The following DMXL1 variants were observed in gnomAD, a reference collection of about 807,000 sequenced individuals.
DMXL1 encodes Dmx like 1, also known as dmX-like protein 1.
A neutral mutation model predicts 319.2 loss-of-function variants in DMXL1; 99 were observed. That is an observed-to-expected ratio of 0.31 (90% CI 0.26 to 0.37). DMXL1 has a LOEUF of 0.37. Ranked by LOEUF, DMXL1 falls within the 10% of genes least tolerant of loss-of-function variation. The probability of loss-of-function intolerance (pLI) is 1.00; values close to 1 mark genes in which losing one functional copy is unlikely to be tolerated. For missense variants in DMXL1, 3,745 were observed against 3,595.6 expected, an observed-to-expected ratio of 1.04 and a Z score of -1.06; for synonymous variants, 1,385 against 1,235.2, an observed-to-expected ratio of 1.12 and a Z score of -2.54.
At chr5:119,119,534 A>AT (rs1421977217) in intron 8 of DMXL1, among the ~76,000 whole-genome samples, 2,093 of 142,498 alleles carry the variant, frequency 0.015, 35 homozygotes, top group African/African-American at 0.034. Flanking sequence ...GATTCTTCCA[A>AT]TTTTTTTTTT....
Position 119,150,221 on chromosome 5 carries a change from A to G in DMXL1, c.4394A>G (p.Asn1465Ser), listed in dbSNP as rs748272079. ...DTHMLETDEENTKPRVIDLSQ... is the reference protein window; with the variant it reads ...DTHMLETDEESTKPRVIDLSQ... ...CATATGTTAGAGACAGATGAAGAAAATACAAAGCCTAGAGTTATTGACCTT... is the reference window on the plus strand; with the variant it reads ...CATATGTTAGAGACAGATGAAGAAAGTACAAAGCCTAGAGTTATTGACCTT... The change falls in exon 18 of 44, where the codon AAT becomes AGT. Residue 1465 changes from asparagine (N) to serine (S), a missense_variant. Asn to Ser is a conservative substitution (Grantham distance 46, BLOSUM62 1). Transcript: ENST00000539542. 6.2e-7 allele frequency: 1 copy of G among 1,613,790 alleles called. No homozygotes were observed. The highest frequency in any genetic ancestry group is 1.1e-5 in the South Asian group (1 of 91,070).
At chr5:119,153,601 A>G (rs1042572534) in intron 19 of DMXL1, among the ~76,000 whole-genome samples, 6 of 152,320 alleles carry the variant, frequency 3.9e-5, no homozygotes, top group Middle Eastern at 6.8e-3. Context: ...GCCTTGGGCA[A>G]ATACCGTTTA....
Position 119,143,857 on chromosome 5 carries a change from T to C in DMXL1, c.2393T>C (p.Val798Ala), listed in dbSNP as rs1767950836. ...NPEISKYVGE[V>A]FNIVSQQSTA... ...AAAAAACAGAAATATGTTGGTGAAG[T>C]CTTTAACATCGTCAGTCAACAATCA... Residue 798 changes from valine to alanine, a missense_variant, in exon 14 of 44, where the codon GTC (valine) becomes GCC (alanine). Physicochemically the swap from Val to Ala is moderately conservative, Grantham distance 64 (BLOSUM62 0). Transcript: ENST00000539542. 6.3e-7 allele frequency: 1 copy of C among 1,582,504 alleles called. No individual in the cohort carries two copies. The highest frequency in any genetic ancestry group is 8.6e-7 in the Non-Finnish European group (1 of 1,165,342).
At chr5:119,090,798 C>T (rs950323462) in intron 1 of DMXL1, among the ~76,000 whole-genome samples, 3 of 152,004 alleles carry the variant, frequency 2.0e-5, no homozygotes, top group African/African-American at 7.2e-5. Flanking sequence ...ATCTCTCAAC[C>T]TTGTGATCAG....
intron 1 of DMXL1, among the ~76,000 whole-genome samples, chr5:119,084,574 C>T (rs952646322): frequency 4.6e-5 from 7 of 152,006 alleles, no homozygotes; most frequent in African/African-American, 7.2e-5. Context: ...ATGGAAAAAA[C>T]GATCCTTGGC....
At chr5:119,080,898 C>A (rs1277686797) in intron 1 of DMXL1, among the ~76,000 whole-genome samples, 2 of 152,130 alleles carry the variant, frequency 1.3e-5, no homozygotes, top group East Asian at 3.8e-4. Context: ...ACAAGCTCTT[C>A]AGGAAACTTT....
At position 119,170,583 on chromosome 5, in the gene DMXL1, G is replaced by A; in HGVS notation, c.5792G>A (p.Gly1931Asp). Reference sequence around the variant, plus strand: ...GATTGGTCACAGTCACTGATAAATGGTTTTGGATCTTCTTCAGAGGGTTCC... The same window carrying A: ...GATTGGTCACAGTCACTGATAAATGATTTTGGATCTTCTTCAGAGGGTTCC... ...AVDWSQSLIN[G>D]FGSSSEGSSE... The change falls in exon 24 of 44, where the codon GGT becomes GAT. Residue 1931 changes from glycine (G) to aspartate (D), a missense_variant. By Grantham distance (94) the Gly-to-Asp change is moderately conservative. This residue lies in a region of DMXL1 where 1,382 missense variants were observed against 1,269.5 expected (regional missense o/e 1.09). Transcript: ENST00000539542. The A allele has an allele frequency of 6.2e-7, 1 of 1,613,788 alleles. No homozygotes were observed. Among genetic ancestry groups the A allele is most frequent in the Non-Finnish European group, 8.5e-7 (1 of 1,179,904 alleles).
chr5:119,075,959 C>A (rs1750750237), intron 1 of DMXL1, among the ~76,000 whole-genome samples: 1 of 152,102 alleles, frequency 6.6e-6, no homozygotes, highest in Non-Finnish European at 1.5e-5. Flanking sequence ...TTTATAGATT[C>A]TACTTTTATG....
chr5:119,227,928 A>T (rs796475242), intron 38 of DMXL1, among the ~76,000 whole-genome samples: 41 of 152,312 alleles, frequency 2.7e-4, no homozygotes, highest in African/African-American at 8.2e-4. Flanking sequence ...TAATTGTTTT[A>T]TCTTTGTTCA....
Position 119,220,489 on chromosome 5 carries a change from A to G in DMXL1, c.8031A>G (p.Ile2677Met). 1 of 1,613,846 alleles carries G rather than the reference A, an allele frequency of 6.2e-7. No homozygotes were observed. Among genetic ancestry groups the G allele is most frequent in the Non-Finnish European group, 8.5e-7 (1 of 1,179,878 alleles). Reference protein sequence around the residue: ...FAVNKANRNCIAIASSHDVQE... With the variant: ...FAVNKANRNCMAIASSHDVQE... Reference sequence around the variant, plus strand: ...TTTTTCAGGCAAATAGAAACTGCATAGCAATCGCTTCCAGTCATGATGTTC... The same window carrying G: ...TTTTTCAGGCAAATAGAAACTGCATGGCAATCGCTTCCAGTCATGATGTTC... The change falls in exon 36 of 44, where the codon ATA (isoleucine) becomes ATG (methionine). Residue 2677 changes from isoleucine (I) to methionine (M), a missense_variant. Physicochemically the swap from Ile to Met is conservative, Grantham distance 10 (BLOSUM62 1). This residue lies in a region of DMXL1 where 1,382 missense variants were observed against 1,269.5 expected (regional missense o/e 1.09). Coordinates refer to ENST00000539542, the MANE Select transcript of DMXL1 (RefSeq NM_001290321.3).
intron 3 of DMXL1, chr5:119,104,143 G>GTGGT (rs1309337592): frequency 1.3e-5 from 2 of 152,248 alleles, no homozygotes; most frequent in African/African-American, 4.8e-5. Flanking sequence ...TTGTGAGGTG[G>GTGGT]TGGTCTTCAT....
chr5:119,219,276 G>A (rs1202493588), intron 35 of DMXL1, among the ~76,000 whole-genome samples: 1 of 152,094 alleles, frequency 6.6e-6, no homozygotes, highest in African/African-American at 2.4e-5. Context: ...AAGCATACTT[G>A]CCCTTTGCTC....
Position 119,149,662 on chromosome 5 carries a change from A to G in DMXL1, c.3835A>G (p.Lys1279Glu), listed in dbSNP as rs780809663. The change falls in exon 18 of 44, where the codon AAG (lysine) becomes GAG (glutamate). Residue 1279 changes from lysine to glutamate, a missense_variant. Coordinates refer to ENST00000539542, the MANE Select transcript of DMXL1 (RefSeq NM_001290321.3). ...CTCCAGTTCTGGGTTACATCCTCCA[A>G]AGAAAACTCTGACTCGATCCATGAC... The part of the protein sequence containing the change: ...SNSSSGLHPP[K>E]KTLTRSMTSL... The G allele has an allele frequency of 1.9e-6, 3 of 1,613,982 alleles. No individual in the cohort carries two copies. The highest frequency in any genetic ancestry group is 1.3e-5 in the African/African-American group (1 of 75,038).
chr5:119,240,399 AT>A lies in DMXL1; in HGVS notation c.8652-19del. 1.3e-6 allele frequency: 2 copies of A among 1,507,304 alleles called. No individual in the cohort carries two copies. 93.4% of individuals were successfully genotyped at this position (1,507,304 alleles called of 1,614,324 possible). A position where few individuals can be genotyped will look rare whatever the true frequency, so the allele number is the denominator to read the frequency against. The stretch of plus-strand genomic sequence containing the variant: ...TTAGCTTTTGTGTCACTCAGAAGTA[AT>A]CTTTTTTTTTTTTTCCAGAAACGTA... On this transcript the variant is annotated intron_variant, in intron 41 of 43. Transcript: ENST00000539542.
intron 25 of DMXL1, among the ~76,000 whole-genome samples, chr5:119,172,255 G>A (rs1774736209): frequency 6.6e-6 from 1 of 152,062 alleles, no homozygotes; most frequent in Admixed American, 6.6e-5. Context: ...TCCTTTAGTA[G>A]TACATTTAAC....
At chr5:119,241,462 G>A (rs1788785848) in intron 42 of DMXL1, among the ~76,000 whole-genome samples, 2 of 151,072 alleles carry the variant, frequency 1.3e-5, no homozygotes. Flanking sequence ...GTGAACCCGG[G>A]AGGCGGAGCT....
chr5:119,100,803 G>T (rs1364918512), intron 2 of DMXL1: 1 of 131,070 alleles, frequency 7.6e-6, no homozygotes, highest in African/African-American at 2.9e-5. Context: ...TTTTTGAGAC[G>T]GAGTCTCACT....
chr5:119,091,062 T>C (rs924044324), intron 1 of DMXL1, among the ~76,000 whole-genome samples: 4 of 152,310 alleles, frequency 2.6e-5, no homozygotes, highest in Admixed American at 2.6e-4. Context: ...TGAATTGCTT[T>C]TTGTCTTATC....
chr5:119,196,883 A>C (rs1779736059), intron 31 of DMXL1, among the ~76,000 whole-genome samples: 1 of 152,244 alleles, frequency 6.6e-6, no homozygotes, highest in Non-Finnish European at 1.5e-5. Context: ...TAAGGTAAAC[A>C]CAAAAATACC....
Sources: gnomAD v4.1 joint callset for allele counts (sites outside exome capture counted in the v4.1 genomes callset) on GRCh38, gnomAD v4.1.1 for gene constraint, gnomAD v4.1.1 regional missense constraint, MANE v1.5 for transcripts, NCBI Gene and HGNC (gene_info 2026-07-23, HGNC 2026-07-21) for gene names.